Variants in ATP6V1C2 observed in about 807,000 individuals in gnomAD.
ATP6V1C2 encodes the protein ATPase H+ transporting V1 subunit C2, also known as V-type proton ATPase subunit C 2.
In ATP6V1C2, 45 loss-of-function variants were observed where a neutral mutation model predicts 56.8. The observed-to-expected ratio is 0.79, with a 90% CI of 0.62 to 1.02. The LOEUF (loss-of-function observed/expected upper bound fraction) is 1.02, where lower values mean the gene tolerates loss of function less well. ATP6V1C2 is among the 50% of genes least tolerant of loss of function. The pLI, the probability that ATP6V1C2 is intolerant of heterozygous loss-of-function variation, is 0.00. For synonymous variants in ATP6V1C2, 220 were observed against 201.3 expected (o/e 1.09, Z -0.79); for missense variants, 463 against 519.7 (o/e 0.89, Z 1.06).
chr2:10,778,091 C>T (rs1333744737), intron 11 of ATP6V1C2, among the ~76,000 whole-genome samples: 2 of 152,026 alleles, frequency 1.3e-5, no homozygotes, highest in South Asian at 2.1e-4. Context: ...GGCGGGAGCT[C>T]GGGGCTCTTG....
rs116850326 is a variant in ATP6V1C2, at chr2:10,780,078, C to A, written c.1061+1409C>A. Among the ~76,000 whole-genome samples the A allele has an allele frequency of 2.3e-3, 352 of 152,228 alleles. 5 individuals carry two copies. The highest frequency in any genetic ancestry group is 5.6e-3 in the Admixed American group (85 of 15,296). ...GGAGCTCCTCATCCCTCCCTGCCGTCCCCCTGGCTGATGTCCCCTACTTTC... is the reference window on the plus strand; with the variant it reads ...GGAGCTCCTCATCCCTCCCTGCCGTACCCCTGGCTGATGTCCCCTACTTTC... On this transcript the variant is annotated intron_variant, in intron 12 of 13. Coordinates refer to ENST00000272238, the MANE Select transcript of ATP6V1C2 (RefSeq NM_001039362.2). This position sits in a 1 kb window ranked among gnomAD's most constrained non-coding sequence, Gnocchi z 4.1.
In ATP6V1C2 at chr2:10,785,023, A is replaced by C. The variant is rs1349368535; in HGVS notation, c.*1760A>C. 2.5e-6 allele frequency: 4 copies of C among 1,576,016 alleles called. No individual in the cohort carries two copies. Among genetic ancestry groups the C allele is most frequent in the Non-Finnish European group, 1.7e-6 (2 of 1,159,010 alleles). On this transcript the variant is annotated 3_prime_UTR_variant, in exon 14 of 14. Transcript: ENST00000272238. ...GGTGCCGTGGAGCCACGCCCAAAAG[A>C]GAGCTCCCTTAGGGAAAAATGACCA...
Position 10,780,673 on chromosome 2 carries a change from G to A in ATP6V1C2, c.1062-1570G>A, listed in dbSNP as rs1007730971. Among the ~76,000 whole-genome samples the A allele has an allele frequency of 1.3e-5, 2 of 152,086 alleles. No individual in the cohort carries two copies. The highest frequency in any genetic ancestry group is 6.5e-5 in the Admixed American group (1 of 15,288). ...AGGCCTAACGGCCTAACACAGTGAA[G>A]CCTGTCCATGCCTTCCAGGATGCGC... On this transcript the variant is annotated intron_variant, in intron 12 of 13. Coordinates refer to ENST00000272238, the MANE Select transcript of ATP6V1C2 (RefSeq NM_001039362.2). This position sits in a 1 kb window ranked among gnomAD's most constrained non-coding sequence, Gnocchi z 4.1.
rs1455651126 is a variant in ATP6V1C2 at position 10,721,697 on chromosome 2, C to A, written c.-61C>A. The A allele has an allele frequency of 6.6e-6, 1 of 151,736 alleles. No homozygotes were observed. Among genetic ancestry groups the A allele is most frequent in the Non-Finnish European group, 1.5e-5 (1 of 67,866 alleles). The allele number at this position is 151,736 out of a possible 1,614,324, so 9.4% of individuals were successfully genotyped here. On this transcript the variant is annotated 5_prime_UTR_variant, in exon 1 of 14. Coordinates refer to ENST00000272238, the MANE Select transcript of ATP6V1C2 (RefSeq NM_001039362.2). ...GCACCCGCCGCCCGTCGCCCGCAGC[C>A]CCCTACCGCGCGGCCCGCGCCCCGC...
intron 3 of ATP6V1C2, among the ~76,000 whole-genome samples, chr2:10,745,976 T>A (rs1018944850): frequency 2.6e-5 from 4 of 152,240 alleles, no homozygotes; most frequent in Admixed American, 6.5e-5. Context: ...CCGCATCGTA[T>A]GGACACACCA....
Position 10,782,238 on chromosome 2 carries a change from A to T in ATP6V1C2, c.1062-5A>T. ...TGAACTGACACATTTTGTCTATCTGAAAAGGTATGGACTACCAGTGAACTT... is the reference window on the plus strand; with the variant it reads ...TGAACTGACACATTTTGTCTATCTGTAAAGGTATGGACTACCAGTGAACTT... On this transcript the variant is annotated splice_region_variant and splice_polypyrimidine_tract_variant and intron_variant, in intron 12 of 13. Transcript: ENST00000272238. 6.2e-7 allele frequency: 1 copy of T among 1,613,562 alleles called. No individual in the cohort carries two copies. Among genetic ancestry groups the T allele is most frequent in the Non-Finnish European group, 8.5e-7 (1 of 1,179,776 alleles).
chr2:10,761,551 G>A (rs1295002223), intron 4 of ATP6V1C2, among the ~76,000 whole-genome samples: 1 of 152,188 alleles, frequency 6.6e-6, no homozygotes. Flanking sequence ...TAATACCAAT[G>A]TCTGAGTCAG....
intron 5 of ATP6V1C2, among the ~76,000 whole-genome samples, chr2:10,766,164 C>T (rs1364104861): frequency 3.3e-5 from 5 of 152,164 alleles, no homozygotes; most frequent in Non-Finnish European, 7.3e-5. Context: ...GACACCACTT[C>T]CCAAGGAAGC....
intron 3 of ATP6V1C2, among the ~76,000 whole-genome samples, chr2:10,740,258 G>A (rs1662476859): frequency 6.6e-6 from 1 of 152,118 alleles, no homozygotes; most frequent in Non-Finnish European, 1.5e-5. Context: ...CGTGTACCTG[G>A]CAGGATGATG....
upstream of ATP6V1C2, among the ~76,000 whole-genome samples, chr2:10,721,180 G>C (rs1400565688): frequency 6.6e-6 from 1 of 152,140 alleles, no homozygotes; most frequent in Non-Finnish European, 1.5e-5. Flanking sequence ...CCCACAGGTG[G>C]GCCCTGTCTC....
chr2:10,732,789 G>A (rs1314636644), intron 3 of ATP6V1C2, among the ~76,000 whole-genome samples: 1 of 151,650 alleles, frequency 6.6e-6, no homozygotes, highest in Non-Finnish European at 1.5e-5. Context: ...TGGTCAACAC[G>A]GTGAAACCCC....
chr2:10,739,125 T>C (rs12467196), intron 3 of ATP6V1C2, among the ~76,000 whole-genome samples: 93,359 of 151,862 alleles, frequency 0.61, 31,093 homozygotes, highest in Non-Finnish European at 0.78. Context: ...CTACTAAAAA[T>C]AGAAAAAATT....
intron 3 of ATP6V1C2, among the ~76,000 whole-genome samples, chr2:10,741,900 TTCCTTC>T (rs1662573083): frequency 1.8e-3 from 6 of 3,276 alleles, no homozygotes; most frequent in East Asian, 0.029. Context: ...CCCTCCTTCC[TTCCTTC>T]CTTCCTTCCT....
intron 10 of ATP6V1C2, 92 bp from the exon 11 acceptor site, chr2:10,777,493 T>G (rs1665070178): frequency 1.3e-6 from 2 of 1,520,022 alleles, no homozygotes; most frequent in Admixed American, 1.9e-5. Context: ...TTCCTGAGCT[T>G]GCTCTCGCGT....
chr2:10,744,446 G>A (rs909679148), intron 3 of ATP6V1C2, among the ~76,000 whole-genome samples: 18 of 152,028 alleles, frequency 1.2e-4, no homozygotes, highest in African/African-American at 2.9e-4. Flanking sequence ...TCTTCCTCAC[G>A]CTTATGAGCT....
intron 4 of ATP6V1C2, among the ~76,000 whole-genome samples, chr2:10,754,744 G>A (rs1180258540): frequency 6.6e-6 from 1 of 151,638 alleles, no homozygotes; most frequent in Non-Finnish European, 1.5e-5. Flanking sequence ...AGCTAATTTT[G>A]TGTGTGTGTG....
At chr2:10,748,464 G>GTGA (rs1663037029) in intron 3 of ATP6V1C2, among the ~76,000 whole-genome samples, 1 of 152,060 alleles carries the variant, frequency 6.6e-6, no homozygotes, top group South Asian at 2.1e-4. Context: ...AAAAGATACA[G>GTGA]TGAAATGTAC....
chr2:10,774,982 A>T lies in ATP6V1C2; in HGVS notation c.736A>T (p.Thr246Ser), dbSNP rs1490181314. The T allele has an allele frequency of 1.2e-6, 2 of 1,614,070 alleles. No individual in the cohort carries two copies. Among genetic ancestry groups the T allele is most frequent in the East Asian group, 2.2e-5 (1 of 44,886 alleles). The change falls in exon 10 of 14, where the codon ACT (threonine) becomes TCT (serine). Residue 246 changes from threonine to serine, a missense_variant. Physicochemically the swap from Thr to Ser is moderately conservative, Grantham distance 58 (BLOSUM62 1). Coordinates refer to ENST00000272238, the MANE Select transcript of ATP6V1C2 (RefSeq NM_001039362.2). ...CCATGATTTGCTTGTTTTAAGGTTC[A>T]CTGTTCGTGAATTTTACTATGATGA... is the stretch of plus-strand genomic sequence containing the variant. ...FKTKAKENKF[T>S]VREFYYDEKE...
chr2:10,746,690 A>G (rs1270772644), intron 3 of ATP6V1C2, among the ~76,000 whole-genome samples: 1 of 152,118 alleles, frequency 6.6e-6, no homozygotes, highest in Non-Finnish European at 1.5e-5. Context: ...GGTTACAGAC[A>G]TGAGCCACCC....
Sources: gnomAD v4.1 joint callset for allele counts (sites outside exome capture counted in the v4.1 genomes callset) on GRCh38, gnomAD v4.1.1 for gene constraint, Gnocchi (gnomAD v3.1) non-coding constraint, MANE v1.5 for transcripts, NCBI Gene and HGNC (gene_info 2026-07-23, HGNC 2026-07-21) for gene names.